Variants in ERGIC2 observed in about 807,000 individuals in gnomAD.
ERGIC2 encodes endoplasmic reticulum-Golgi intermediate compartment protein 2.
In ERGIC2, 31 loss-of-function variants were observed where a neutral mutation model predicts 52.5. The observed-to-expected ratio is 0.59, with a 90% CI of 0.44 to 0.80. ERGIC2 has a LOEUF of 0.80. ERGIC2 is among the 30% of genes least tolerant of loss of function. The pLI is 0.00. For missense variants in ERGIC2, 395 were observed against 455.2 expected, an observed-to-expected ratio of 0.87 and a Z score of 1.20; for synonymous variants, 129 against 140.6, an observed-to-expected ratio of 0.92 and a Z score of 0.58.
chr12:29,380,469 C>A (rs1433408601), intron 1 of ERGIC2: 4 of 152,150 alleles, frequency 2.6e-5, no homozygotes, highest in Non-Finnish European at 5.9e-5. Context: ...AAACAATGAC[C>A]TGTCAACTCT....
chr12:29,349,030 A>G (rs752221776), intron 10 of ERGIC2, 49 bp downstream of exon 10: 1 of 976,550 alleles, frequency 1.0e-6, no homozygotes, highest in South Asian at 1.5e-5. Context: ...TCAGGTTATA[A>G]GCAAAATTTT....
intron 4 of ERGIC2, 33 bp from the exon 5 acceptor site, chr12:29,366,980 T>C: frequency 6.9e-7 from 1 of 1,451,024 alleles, no homozygotes; most frequent in East Asian, 2.4e-5. Flanking sequence ...AGTTTTACAT[T>C]CTATGCTTGG....
Position 29,353,632 on chromosome 12 carries a change from G to A in ERGIC2, c.572+2750C>T, listed in dbSNP as rs552771538. Among the ~76,000 whole-genome samples the A allele has an allele frequency of 3.4e-3, 512 of 151,830 alleles. 2 individuals carry two copies. The highest frequency in any genetic ancestry group is 0.012 in the African/African-American group (491 of 41,390). On this transcript the variant is annotated intron_variant, in intron 8 of 13. Coordinates refer to ENST00000360150, the MANE Select transcript of ERGIC2 (RefSeq NM_016570.3). Reference sequence around the variant, plus strand: ...TTTGAATTTCAGATTTTCAGATAAGGGATGCTCAACCTATACATTTTACTT... The same window carrying A: ...TTTGAATTTCAGATTTTCAGATAAGAGATGCTCAACCTATACATTTTACTT...
In ERGIC2 at chr12:29,361,631, T is replaced by G; in HGVS notation, c.374+14A>C. Reference sequence around the variant, plus strand: ...TAGATTTCTATGGACCACAATACTTTGTTCTCTTATTACCTCTGCCACTCT... The same window carrying G: ...TAGATTTCTATGGACCACAATACTTGGTTCTCTTATTACCTCTGCCACTCT... On this transcript the variant is annotated intron_variant, in intron 6 of 13. Transcript: ENST00000360150. 1 of 1,595,120 alleles carries G rather than the reference T, an allele frequency of 6.3e-7. No homozygotes were observed. The highest frequency in any genetic ancestry group is 8.6e-7 in the Non-Finnish European group (1 of 1,169,274).
At chr12:29,361,152 T>A (rs1395864017) in intron 6 of ERGIC2, among the ~76,000 whole-genome samples, 2 of 152,086 alleles carry the variant, frequency 1.3e-5, no homozygotes, top group African/African-American at 4.8e-5. Context: ...CTCAGGAGGC[T>A]GAGGCAGGAG....
Position 29,361,702 on chromosome 12 carries a change from C to T in ERGIC2, c.334-17G>A, listed in dbSNP as rs1312942503. 1.3e-6 allele frequency: 2 copies of T among 1,594,192 alleles called. No individual in the cohort carries two copies. The highest frequency in any genetic ancestry group is 2.7e-5 in the African/African-American group (2 of 74,352). On this transcript the variant is annotated splice_polypyrimidine_tract_variant and intron_variant, in intron 5 of 13. Transcript: ENST00000360150. Reference sequence around the variant, plus strand: ...AAATACTGTCTGAAATGAAAGAAAACATAATCACTAGCATTGTCAAATTCT... The same window carrying T: ...AAATACTGTCTGAAATGAAAGAAAATATAATCACTAGCATTGTCAAATTCT...
At chr12:29,373,459 G>A (rs189383959) in intron 1 of ERGIC2, among the ~76,000 whole-genome samples, 136 of 152,250 alleles carry the variant, frequency 8.9e-4, no homozygotes, top group Non-Finnish European at 1.7e-3. Flanking sequence ...GACAGACTTT[G>A]GGTCTGAAAT....
chr12:29,366,835 C>T, intron 5 of ERGIC2, 42 bp downstream of exon 5: 1 of 1,271,738 alleles, frequency 7.9e-7, no homozygotes, highest in Non-Finnish European at 1.1e-6. Context: ...CGTACGATTC[C>T]TCAACCCGTG....
At chr12:29,347,333 A>T (rs1285120904) in intron 10 of ERGIC2, among the ~76,000 whole-genome samples, 2 of 152,214 alleles carry the variant, frequency 1.3e-5, no homozygotes, top group Non-Finnish European at 2.9e-5. Context: ...GTATGGAGTT[A>T]GGTTGTCCAG....
chr12:29,376,590 C>T (rs10843397), intron 1 of ERGIC2, among the ~76,000 whole-genome samples: 53,369 of 151,998 alleles, frequency 0.35, 11,236 homozygotes, highest in African/African-American at 0.6. Flanking sequence ...CCTCTAAAAT[C>T]CAAAACACAT....
intron 5 of ERGIC2, among the ~76,000 whole-genome samples, chr12:29,364,268 C>G (rs966934682): frequency 6.6e-6 from 1 of 151,798 alleles, no homozygotes; most frequent in Admixed American, 6.6e-5. Context: ...AAAAAGTCCC[C>G]CCTCAACAGA....
At chr12:29,367,914 T>C (rs1265401103) in intron 4 of ERGIC2, among the ~76,000 whole-genome samples, 2 of 151,832 alleles carry the variant, frequency 1.3e-5, no homozygotes, top group Non-Finnish European at 3.0e-5. Flanking sequence ...AAGGATATGC[T>C]TGTGAAACAT....
At chr12:29,348,624 G>A (rs73273364) in intron 10 of ERGIC2, among the ~76,000 whole-genome samples, 3,596 of 151,958 alleles carry the variant, frequency 0.024, 134 homozygotes, top group African/African-American at 0.082. Flanking sequence ...AGAATAACTA[G>A]GTTTCTGGTG....
intron 7 of ERGIC2, among the ~76,000 whole-genome samples, chr12:29,356,807 T>C (rs1338891200): frequency 6.6e-6 from 1 of 152,104 alleles, no homozygotes; most frequent in Admixed American, 6.5e-5. Flanking sequence ...TTTCTGGTAC[T>C]GTAGCAGGGA....
chr12:29,347,101 C>T (rs912360857), intron 10 of ERGIC2, among the ~76,000 whole-genome samples: 16 of 152,152 alleles, frequency 1.1e-4, no homozygotes, highest in Admixed American at 5.9e-4. Flanking sequence ...CCCCTTTGTA[C>T]ATAAAAGAGT....
chr12:29,348,860 T>G (rs986136162), intron 10 of ERGIC2, among the ~76,000 whole-genome samples: 1 of 151,996 alleles, frequency 6.6e-6, no homozygotes, highest in Non-Finnish European at 1.5e-5. Context: ...TTCCTTCATC[T>G]TTTAACTTGA....
At chr12:29,374,225 C>T (rs1206167909) in intron 1 of ERGIC2, among the ~76,000 whole-genome samples, 1 of 152,172 alleles carries the variant, frequency 6.6e-6, no homozygotes, top group Non-Finnish European at 1.5e-5. Flanking sequence ...TACTGACAGA[C>T]ACTCCTCAGT....
Position 29,343,239 on chromosome 12 carries a change from C to T in ERGIC2, c.869G>A (p.Gly290Glu). 1 of 1,609,788 alleles carries T rather than the reference C, an allele frequency of 6.2e-7. No individual in the cohort carries two copies. The highest frequency in any genetic ancestry group is 8.5e-7 in the Non-Finnish European group (1 of 1,177,258). The part of the protein sequence containing the change: ...NHAAGSHGVS[G>E]IFMKYDLSSL... ...ACTGAGATCATATTTCATAAATATC[C>T]CAGAGACTCCATGGCTGCCTGCAGC... Residue 290 changes from glycine to glutamate, a missense_variant, in exon 12 of 14, where the codon GGG (glycine) becomes GAG (glutamate). Physicochemically the swap from Gly to Glu is moderately conservative, Grantham distance 98. Coordinates refer to ENST00000360150, the MANE Select transcript of ERGIC2 (RefSeq NM_016570.3).
intron 11 of ERGIC2, among the ~76,000 whole-genome samples, chr12:29,344,668 C>CA (rs201383961): frequency 0.034 from 4,812 of 142,458 alleles, 98 homozygotes; most frequent in South Asian, 0.074. Flanking sequence ...CTCATAAGAA[C>CA]AAAAAAAAAA....
Sources: allele counts gnomAD v4.1 joint callset (sites outside exome capture counted in the v4.1 genomes callset), GRCh38; gene constraint gnomAD v4.1.1; transcripts MANE v1.5; gene names NCBI Gene and HGNC (gene_info 2026-07-23, HGNC 2026-07-21).